The following LINGO2 variants were observed in gnomAD, a reference collection of about 807,000 sequenced individuals.
LINGO2 encodes the protein leucine rich repeat and Ig domain containing 2, also known as leucine-rich repeat and immunoglobulin-like domain-containing nogo receptor-interacting protein 2.
A neutral mutation model predicts 30.6 loss-of-function variants in LINGO2; 14 were observed. The observed-to-expected ratio is 0.46, with a 90% CI of 0.30 to 0.72. The LOEUF (loss-of-function observed/expected upper bound fraction) is 0.72. Among genes scored for constraint, LINGO2 ranks in the 30% least tolerant of loss-of-function variants. The pLI, the probability that LINGO2 is intolerant of heterozygous loss-of-function variation, is 0.07. For missense variants in LINGO2, 729 were observed against 751.7 expected, an observed-to-expected ratio of 0.97 and a Z score of 0.35; for synonymous variants, 317 against 288.5, an observed-to-expected ratio of 1.10 and a Z score of -1.00.
chr9:28,812,253 G>A, the LINGO2 span, among the ~76,000 whole-genome samples: 56,925 of 151,806 alleles, frequency 0.37, 12,598 homozygotes, highest in Middle Eastern at 0.49. Context: ...AAGAATATCT[G>A]GTAGTACTTA....
At chr9:28,740,654 A>G in the LINGO2 span, among the ~76,000 whole-genome samples, 1,436 of 151,906 alleles carry the variant, frequency 9.5e-3, 41 homozygotes, top group African/African-American at 0.032. Context: ...TAATTATTTA[A>G]TAATTCTAAA....
chr9:28,177,588 A>G (rs999137664), intron 4 of LINGO2, among the ~76,000 whole-genome samples: 3 of 152,216 alleles, frequency 2.0e-5, no homozygotes, highest in Non-Finnish European at 2.9e-5. Flanking sequence ...GTGATAAGGA[A>G]TGTAAAGCTT....
chr9:28,165,142 G>T (rs1052967546), intron 4 of LINGO2, among the ~76,000 whole-genome samples: 5 of 152,090 alleles, frequency 3.3e-5, no homozygotes, highest in Non-Finnish European at 5.9e-5. Flanking sequence ...TTCCATTTTA[G>T]GACACTTTAA....
intron 3 of LINGO2, among the ~76,000 whole-genome samples, chr9:28,342,411 G>A (rs1036068097): frequency 6.6e-6 from 1 of 152,010 alleles, no homozygotes; most frequent in Admixed American, 6.6e-5. Flanking sequence ...ATGTCCACCC[G>A]CAATTATGGA....
the LINGO2 span, among the ~76,000 whole-genome samples, chr9:29,106,784 A>T: frequency 6.6e-6 from 1 of 152,200 alleles, no homozygotes; most frequent in African/African-American, 2.4e-5. Context: ...GGAAGTTCAA[A>T]TTCTTCATTG....
chr9:28,037,729 A>C (rs541103350), intron 4 of LINGO2, among the ~76,000 whole-genome samples: 1 of 152,390 alleles, frequency 6.6e-6, no homozygotes, highest in East Asian at 1.9e-4. Flanking sequence ...TAGCGAATGA[A>C]TGAATTAGAA....
At chr9:28,222,959 A>G (rs889817254) in intron 4 of LINGO2, among the ~76,000 whole-genome samples, 1 of 152,166 alleles carries the variant, frequency 6.6e-6, no homozygotes, top group African/African-American at 2.4e-5. Flanking sequence ...ATCATTATAT[A>G]TTTCTAAAGA....
chr9:28,426,039 T>C (rs910312076), intron 2 of LINGO2, among the ~76,000 whole-genome samples: 9 of 152,078 alleles, frequency 5.9e-5, no homozygotes, highest in Non-Finnish European at 1.3e-4. Flanking sequence ...TGTTTTGAAG[T>C]GGAACACATT....
the LINGO2 span, among the ~76,000 whole-genome samples, chr9:28,988,037 G>A: frequency 6.6e-6 from 1 of 152,148 alleles, no homozygotes; most frequent in Non-Finnish European, 1.5e-5. Context: ...ATGCAGGTCT[G>A]CTAGGTTCAT....
intron 1 of LINGO2, among the ~76,000 whole-genome samples, chr9:28,612,572 A>G (rs1825965568): frequency 1.3e-5 from 2 of 152,164 alleles, no homozygotes; most frequent in South Asian, 4.1e-4. Flanking sequence ...TCAGTCTTGC[A>G]TGGGGCTTGT....
At chr9:28,191,969 G>A (rs117209557) in intron 4 of LINGO2, among the ~76,000 whole-genome samples, 3 of 151,604 alleles carry the variant, frequency 2.0e-5, no homozygotes, top group East Asian at 1.9e-4. Flanking sequence ...ATATTCTGTC[G>A]ACTCCCAGAT....
At position 28,562,475 on chromosome 9, in the gene LINGO2, A is replaced by AAAC. The variant is rs1554637896; in HGVS notation, c.-364-86451_-364-86450insGTT. Among the ~76,000 whole-genome samples, 11 of 143,972 alleles carry AAAC rather than the reference A, an allele frequency of 7.6e-5. No individual in the cohort carries two copies. In the East Asian group the frequency reaches 1.0e-3, roughly 14 times the overall value. The allele number at this position is 143,972 out of a possible 152,430, so 94.5% of individuals were successfully genotyped here. ...TTACTTTCAAAAAAAAAAAAAAAAA[A>AAAC]CAGAAAAAACAAAAAATTGGTCCCC... is the stretch of plus-strand genomic sequence containing the variant. On this transcript the variant is annotated intron_variant, in intron 1 of 5. Coordinates refer to ENST00000379992, the Ensembl canonical transcript of LINGO2.
chr9:28,299,579 A>T (rs1824058998), intron 3 of LINGO2, among the ~76,000 whole-genome samples: 1 of 151,990 alleles, frequency 6.6e-6, no homozygotes, highest in Admixed American at 6.6e-5. Context: ...TTTCTTTTTA[A>T]TTGTCTCCCA....
chr9:29,134,422 A>AT, the LINGO2 span, among the ~76,000 whole-genome samples: 1 of 151,884 alleles, frequency 6.6e-6, no homozygotes. Flanking sequence ...AAAAATATAC[A>AT]TTTTTTTCAC....
chr9:28,215,651 C>A (rs1052916236), intron 4 of LINGO2, among the ~76,000 whole-genome samples: 3 of 149,306 alleles, frequency 2.0e-5, no homozygotes, highest in Non-Finnish European at 4.5e-5. Context: ...GTGCATGTGT[C>A]TTTGTGTGTG....
At chr9:28,867,480 T>C in the LINGO2 span, among the ~76,000 whole-genome samples, 1 of 144,344 alleles carries the variant, frequency 6.9e-6, no homozygotes, top group Non-Finnish European at 1.5e-5. Flanking sequence ...GTCTTTCAAG[T>C]AAAGAAAAAA....
chr9:28,364,826 T>A (rs1820595681), intron 3 of LINGO2, among the ~76,000 whole-genome samples: 1 of 152,214 alleles, frequency 6.6e-6, no homozygotes, highest in South Asian at 2.1e-4. Flanking sequence ...ATCACTAATT[T>A]TTTAGATCAG....
chr9:28,627,099 A>C (rs189495290), intron 1 of LINGO2, among the ~76,000 whole-genome samples: 4 of 152,024 alleles, frequency 2.6e-5, no homozygotes, highest in Non-Finnish European at 5.9e-5. Flanking sequence ...GCAATTAATA[A>C]ATTTTGGATA....
chr9:28,559,292 G>C (rs954928840), intron 1 of LINGO2, among the ~76,000 whole-genome samples: 22 of 152,068 alleles, frequency 1.4e-4, no homozygotes, highest in Admixed American at 1.3e-4. Flanking sequence ...GTCTTCATCT[G>C]AAAATGTCTC....
Sources: allele counts gnomAD v4.1 joint callset (sites outside exome capture counted in the v4.1 genomes callset), GRCh38; gene constraint gnomAD v4.1.1; transcripts MANE v1.5; gene names NCBI Gene and HGNC (gene_info 2026-07-23, HGNC 2026-07-21).